Variants in VPS13D observed in about 807,000 individuals in gnomAD.
VPS13D encodes the protein vacuolar protein sorting 13 homolog D.
A neutral mutation model predicts 461.9 loss-of-function variants in VPS13D; 187 were observed. That is an observed-to-expected ratio of 0.40 (90% confidence interval 0.36 to 0.46). VPS13D has a LOEUF of 0.46. Ranked by LOEUF, VPS13D falls within the 20% of genes least tolerant of loss-of-function variation. The pLI, the probability that VPS13D is intolerant of heterozygous loss-of-function variation, is 0.60. For missense variants in VPS13D, 4,711 were observed against 5,364.9 expected, an observed-to-expected ratio of 0.88 and a Z score of 3.81; for synonymous variants, 1,951 against 1,986.3, an observed-to-expected ratio of 0.98 and a Z score of 0.47.
intron 10 of VPS13D, among the ~76,000 whole-genome samples, chr1:12,259,908 C>T (rs1641050801): frequency 6.6e-6 from 1 of 151,736 alleles, no homozygotes; most frequent in African/African-American, 2.4e-5. Context: ...AGAGCGATAA[C>T]TAGGCTGCTT....
intron 40 of VPS13D, among the ~76,000 whole-genome samples, chr1:12,340,691 C>A (rs529645122): frequency 6.6e-6 from 1 of 152,366 alleles, no homozygotes; most frequent in African/African-American, 2.4e-5. Flanking sequence ...CTCCCAGCTG[C>A]AGAGCATGTG....
In VPS13D at chr1:12,461,870, A is replaced by G. The variant is rs1557453977; in HGVS notation, c.12662+1474A>G. On this transcript the variant is annotated intron_variant, in intron 67 of 69. Coordinates refer to ENST00000620676, the MANE Select transcript of VPS13D (RefSeq NM_015378.4). ...TGAATTTTATACATTGTCAGCTTGC[A>G]AGTCTTCATGGGGGTTTTTCATTCT... 3.3e-5 allele frequency among the ~76,000 whole-genome samples: 5 copies of G among 152,206 alleles called. No individual in the cohort carries two copies. The South Asian group carries it at 1.0e-3, about 32-fold the overall frequency.
chr1:12,314,455 C>T (rs1642838446), intron 30 of VPS13D, 128 bp downstream of exon 30: 1 of 881,816 alleles, frequency 1.1e-6, no homozygotes, highest in Non-Finnish European at 1.8e-6. Context: ...ATGGCTTAAT[C>T]AGTGCAGTGT....
intron 67 of VPS13D, among the ~76,000 whole-genome samples, chr1:12,475,313 G>C (rs895983894): frequency 6.6e-6 from 1 of 152,156 alleles, no homozygotes; most frequent in African/African-American, 2.4e-5. Flanking sequence ...CCATACAAAG[G>C]GGGAGAGGGT....
intron 37 of VPS13D, among the ~76,000 whole-genome samples, chr1:12,331,130 A>G (rs576017770): frequency 6.6e-6 from 1 of 152,306 alleles, no homozygotes; most frequent in South Asian, 2.1e-4. Context: ...GAAATTCAGA[A>G]GCCATAATAT....
At chr1:12,313,156 C>A (rs1300632643) in intron 29 of VPS13D, among the ~76,000 whole-genome samples, 1 of 152,134 alleles carries the variant, frequency 6.6e-6, no homozygotes, top group African/African-American at 2.4e-5. Context: ...CCAGTGATTC[C>A]CTGCTGAAGC....
At position 12,376,034 on chromosome 1, in the gene VPS13D, G is replaced by T. The variant is rs371274471; in HGVS notation, c.10917+2176G>T. 2.6e-5 allele frequency among the ~76,000 whole-genome samples: 4 copies of T among 152,338 alleles called. No individual in the cohort carries two copies. The East Asian group carries it at 7.7e-4, about 29-fold the overall frequency. On this transcript the variant is annotated intron_variant, in intron 55 of 69. Transcript: ENST00000620676. ...ATGATGAGCCTGGACAAATGGGCAG[G>T]CAGTAGAGGAATCCCAGTATGGAAA... is the stretch of plus-strand genomic sequence containing the variant.
chr1:12,274,379 T>C (rs550692020), intron 18 of VPS13D, among the ~76,000 whole-genome samples: 193 of 152,328 alleles, frequency 1.3e-3, no homozygotes, highest in Non-Finnish European at 8.2e-4. Flanking sequence ...TTTCGCCATG[T>C]TGGCCAGGCT....
intron 67 of VPS13D, among the ~76,000 whole-genome samples, chr1:12,486,619 G>C (rs780534067): frequency 2.6e-5 from 4 of 152,198 alleles, no homozygotes; most frequent in Non-Finnish European, 5.9e-5. Flanking sequence ...CGTGACCCAG[G>C]TCGGTAACTT....
At chr1:12,448,182 T>C (rs1318006136) in intron 65 of VPS13D, among the ~76,000 whole-genome samples, 1 of 152,208 alleles carries the variant, frequency 6.6e-6, no homozygotes, top group Non-Finnish European at 1.5e-5. Context: ...CTGATACTAA[T>C]GACAAGAGTT....
intron 35 of VPS13D, among the ~76,000 whole-genome samples, chr1:12,324,058 G>A (rs1023451265): frequency 2.6e-5 from 4 of 152,078 alleles, no homozygotes; most frequent in East Asian, 1.9e-4. Context: ...ATAGGCATGC[G>A]TCACCACACC....
At chr1:12,484,170 A>G (rs1239125079) in intron 67 of VPS13D, among the ~76,000 whole-genome samples, 2 of 152,124 alleles carry the variant, frequency 1.3e-5, no homozygotes, top group Non-Finnish European at 2.9e-5. Flanking sequence ...ACATCCTTGT[A>G]TTAGTAAAAA....
At chr1:12,441,711 G>A (rs111528777) in intron 65 of VPS13D, among the ~76,000 whole-genome samples, 11 of 152,240 alleles carry the variant, frequency 7.2e-5, no homozygotes, top group South Asian at 2.1e-4. Flanking sequence ...ATCTGGAGTC[G>A]CAAAGATCTT....
At chr1:12,499,480 G>A in intron 68 of VPS13D, 1 of 985,384 alleles carries the variant, frequency 1.0e-6, no homozygotes, top group Non-Finnish European at 1.2e-6. Flanking sequence ...GTTTGCAATA[G>A]AAGAAATTGC....
chr1:12,485,534 A>C (rs1352012831), intron 67 of VPS13D, among the ~76,000 whole-genome samples: 1 of 152,272 alleles, frequency 6.6e-6, no homozygotes, highest in Non-Finnish European at 1.5e-5. Flanking sequence ...AATGTGACAC[A>C]GATGTGGGAC....
In VPS13D at chr1:12,447,970, G is replaced by C. The variant is rs564942892; in HGVS notation, c.12334-8028G>C. Among the ~76,000 whole-genome samples, 132 of 152,312 alleles carry C rather than the reference G, an allele frequency of 8.7e-4. 1 individual carries two copies. The highest frequency in any genetic ancestry group is 2.7e-3 in the African/African-American group (114 of 41,556). ...AGGATGAGACATGCAAGATTCAGTG[G>C]GGGAGAAAGAGGAGGGAACCGGAGA... On this transcript the variant is annotated intron_variant, in intron 65 of 69. Coordinates refer to ENST00000620676, the MANE Select transcript of VPS13D (RefSeq NM_015378.4).
intron 68 of VPS13D, 109 bp downstream of exon 68, chr1:12,497,740 T>C: frequency 2.3e-6 from 3 of 1,324,856 alleles, no homozygotes; most frequent in Non-Finnish European, 3.0e-6. Context: ...TCTTGGACCT[T>C]AGATCTGGTC....
intron 3 of VPS13D, among the ~76,000 whole-genome samples, chr1:12,244,021 T>G (rs1491000723): frequency 6.6e-6 from 1 of 152,184 alleles, no homozygotes; most frequent in Non-Finnish European, 1.5e-5. Context: ...GGTAAAGTCT[T>G]CGCGAACTTT....
Position 12,507,465 on chromosome 1 carries a change from C to G in VPS13D, c.13035+372C>G. 1 of 475,914 alleles carries G rather than the reference C, an allele frequency of 2.1e-6. No individual in the cohort carries two copies. The highest frequency in any genetic ancestry group is 5.2e-5 in the East Asian group (1 of 19,218). 29.5% of individuals were successfully genotyped at this position (475,914 alleles called of 1,614,324 possible). ...TCAGTGCACCAAATCGAAGAAAGCACTGGAGCTCACGCTGGTTTCTCCATT... is the reference window on the plus strand; with the variant it reads ...TCAGTGCACCAAATCGAAGAAAGCAGTGGAGCTCACGCTGGTTTCTCCATT... On this transcript the variant is annotated intron_variant, in intron 69 of 69. Transcript: ENST00000620676. This position sits in a 1 kb window ranked among gnomAD's most constrained non-coding sequence, Gnocchi z 5.3.
Sources: allele counts gnomAD v4.1 joint callset (sites outside exome capture counted in the v4.1 genomes callset), GRCh38; gene constraint gnomAD v4.1.1; non-coding constraint Gnocchi (gnomAD v3.1); transcripts MANE v1.5; gene names NCBI Gene and HGNC (gene_info 2026-07-23, HGNC 2026-07-21).